L3MBTL3: variants seen among roughly 807,000 people sequenced by gnomAD.
The protein encoded by L3MBTL3 is L3MBTL histone methyl-lysine binding protein 3.
A neutral mutation model predicts 102.3 loss-of-function variants in L3MBTL3; 27 were observed. That is an observed-to-expected ratio of 0.26 (90% confidence interval 0.19 to 0.36). The LOEUF is 0.36. Ranked by LOEUF, L3MBTL3 falls within the 10% of genes least tolerant of loss-of-function variation. The probability of loss-of-function intolerance (pLI) is 1.00; values close to 1 mark genes in which losing one functional copy is unlikely to be tolerated. For missense variants in L3MBTL3, 798 were observed against 955.3 expected, an observed-to-expected ratio of 0.84 and a Z score of 2.17; for synonymous variants, 340 against 320.9, an observed-to-expected ratio of 1.06 and a Z score of -0.64.
chr6:130,068,287 A>G, intron 11 of L3MBTL3, 43 bp from the exon 12 acceptor site: 2 of 1,045,882 alleles, frequency 1.9e-6, no homozygotes, highest in Non-Finnish European at 2.9e-6. Context: ...AGTGTAAAAT[A>G]TTGTGGTATT....
At chr6:130,051,200 A>G in intron 5 of L3MBTL3, 49 bp from the exon 6 acceptor site, 2 of 1,480,686 alleles carry the variant, frequency 1.4e-6, no homozygotes, top group African/African-American at 1.4e-5. Context: ...GTATTTTAGA[A>G]TGTCTTCTGT....
intron 14 of L3MBTL3, among the ~76,000 whole-genome samples, chr6:130,080,980 C>T (rs1330652463): frequency 6.6e-6 from 1 of 152,188 alleles, no homozygotes; most frequent in Non-Finnish European, 1.5e-5. Flanking sequence ...GGATTCTAAT[C>T]ACTGGGCTTC....
chr6:130,102,286 C>T (rs58492969), intron 18 of L3MBTL3, among the ~76,000 whole-genome samples: 2,868 of 152,240 alleles, frequency 0.019, 82 homozygotes, highest in African/African-American at 0.066. Flanking sequence ...ATCCAAGTTA[C>T]GTCATACCTT....
chr6:130,036,738 A>G (rs1780091538), intron 2 of L3MBTL3, among the ~76,000 whole-genome samples: 1 of 152,220 alleles, frequency 6.6e-6, no homozygotes, highest in African/African-American at 2.4e-5. Context: ...CTTTGAAGGT[A>G]CTTTATCAGA....
chr6:130,066,018 C>T (rs1176489838), intron 10 of L3MBTL3, among the ~76,000 whole-genome samples: 1 of 152,106 alleles, frequency 6.6e-6, no homozygotes, highest in African/African-American at 2.4e-5. Flanking sequence ...GCTGGTGTGC[C>T]TTCCAGCTTA....
chr6:130,031,112 G>A (rs1314357260), intron 2 of L3MBTL3, among the ~76,000 whole-genome samples: 1 of 152,100 alleles, frequency 6.6e-6, no homozygotes, highest in Non-Finnish European at 1.5e-5. Flanking sequence ...AAATCTGAGA[G>A]CTGTAGGGAG....
intron 2 of L3MBTL3, among the ~76,000 whole-genome samples, chr6:130,035,692 C>T (rs759476002): frequency 1.2e-4 from 18 of 152,126 alleles, no homozygotes; most frequent in Non-Finnish European, 2.2e-4. Context: ...CCATGGTCAG[C>T]CATGACATTA....
chr6:130,111,584 T>TA (rs1785348990), intron 19 of L3MBTL3, among the ~76,000 whole-genome samples: 1 of 152,230 alleles, frequency 6.6e-6, no homozygotes, highest in Non-Finnish European at 1.5e-5. Context: ...ATTCAGAGCT[T>TA]ATTTGTAATA....
intron 19 of L3MBTL3, among the ~76,000 whole-genome samples, chr6:130,120,528 T>G (rs1396314053): frequency 6.6e-5 from 10 of 152,254 alleles, no homozygotes; most frequent in African/African-American, 2.4e-4. Flanking sequence ...CCAAAACGTC[T>G]TCTTTCTTTA....
Position 130,083,629 on chromosome 6 carries a change from A to C in L3MBTL3, c.1331A>C (p.Asn444Thr), listed in dbSNP as rs780281358. 4.0e-6 allele frequency: 6 copies of C among 1,507,492 alleles called. No homozygotes were observed. Among genetic ancestry groups the C allele is most frequent in the Non-Finnish European group, 5.4e-6 (6 of 1,114,500 alleles). 93.4% of individuals were successfully genotyped at this position (1,507,492 alleles called of 1,614,324 possible). A position where few individuals can be genotyped will look rare whatever the true frequency, so the allele number is the denominator to read the frequency against. The change falls in exon 15 of 23, where the codon AAT (asparagine) becomes ACT (threonine). Residue 444 changes from asparagine to threonine, a missense_variant. Asn to Thr is a moderately conservative substitution (Grantham distance 65). Around this residue, in one of 4 missense-constraint regions of L3MBTL3, gnomAD observed 306 missense variants for 314.4 expected, o/e 0.97. Transcript: ENST00000361794. ...CATTTTTCTTTCTTAGGTTATCCAAATGTGAAACATTTTTCTTGGGATAAA... is the reference window on the plus strand; with the variant it reads ...CATTTTTCTTTCTTAGGTTATCCAACTGTGAAACATTTTTCTTGGGATAAA... ...RTLITPPGYP[N>T]VKHFSWDKYL...
chr6:130,036,172 C>G (rs994261855), intron 2 of L3MBTL3, among the ~76,000 whole-genome samples: 1 of 152,146 alleles, frequency 6.6e-6, no homozygotes, highest in African/African-American at 2.4e-5. Flanking sequence ...CAAGTATACA[C>G]ATTTACAGAG....
intron 18 of L3MBTL3, among the ~76,000 whole-genome samples, chr6:130,096,734 A>T (rs1352953375): frequency 6.6e-6 from 1 of 152,190 alleles, no homozygotes; most frequent in Non-Finnish European, 1.5e-5. Flanking sequence ...CAGTGGTTAT[A>T]TTTAGAGCAT....
At chr6:130,064,073 C>T (rs553986007) in intron 10 of L3MBTL3, among the ~76,000 whole-genome samples, 10 of 152,208 alleles carry the variant, frequency 6.6e-5, no homozygotes, top group South Asian at 6.2e-4. Context: ...TGAAGACTGG[C>T]GGTATGTCAT....
chr6:130,104,166 A>T (rs2115347694), intron 18 of L3MBTL3, among the ~76,000 whole-genome samples: 1 of 152,292 alleles, frequency 6.6e-6, no homozygotes, highest in South Asian at 2.1e-4. Flanking sequence ...GTAATCCTTC[A>T]GTGACTCTTG....
At chr6:130,055,771 T>C (rs1781463942) in intron 8 of L3MBTL3, among the ~76,000 whole-genome samples, 1 of 151,206 alleles carries the variant, frequency 6.6e-6, no homozygotes, top group African/African-American at 2.4e-5. Flanking sequence ...ATAAAACCTC[T>C]GTTCTTGTTC....
At chr6:130,085,944 G>C (rs1296695399) in intron 15 of L3MBTL3, among the ~76,000 whole-genome samples, 196 bp from the exon 16 acceptor site, 4 of 151,840 alleles carry the variant, frequency 2.6e-5, no homozygotes, top group African/African-American at 9.7e-5. Context: ...ATAGAGACAG[G>C]GTTCAGCCAT....
chr6:130,126,076 GCTCC>G (rs1263903325), intron 20 of L3MBTL3, among the ~76,000 whole-genome samples: 2 of 149,640 alleles, frequency 1.3e-5, no homozygotes, highest in Admixed American at 6.7e-5. Context: ...TCCCTCCCTC[GCTCC>G]CTCCCTCCCT....
intron 20 of L3MBTL3, among the ~76,000 whole-genome samples, chr6:130,128,875 G>A (rs76890543): frequency 1.3e-5 from 2 of 152,112 alleles, no homozygotes; most frequent in Non-Finnish European, 2.9e-5. Context: ...CTTTTATCTC[G>A]CTGGAAGGTG....
chr6:130,098,029 T>C (rs1784459205), intron 18 of L3MBTL3, among the ~76,000 whole-genome samples: 1 of 152,006 alleles, frequency 6.6e-6, no homozygotes, highest in African/African-American at 2.4e-5. Context: ...ATTGCGCCAC[T>C]GCACTTCAGC....
Sources: gnomAD v4.1 joint callset for allele counts (sites outside exome capture counted in the v4.1 genomes callset) on GRCh38, gnomAD v4.1.1 for gene constraint, gnomAD v4.1.1 regional missense constraint, MANE v1.5 for transcripts, NCBI Gene and HGNC (gene_info 2026-07-23, HGNC 2026-07-21) for gene names.